The following NCKAP5 variants were observed in gnomAD, a reference collection of about 807,000 sequenced individuals.
NCKAP5 encodes the protein nck-associated protein 5.
Under a neutral mutation model 167.0 loss-of-function variants are expected in NCKAP5, and 92 were observed. The ratio of observed to expected loss-of-function variants is 0.55; its 90% CI spans 0.47 to 0.66. The LOEUF is 0.66. NCKAP5 is among the 30% of genes least tolerant of loss of function. The pLI is 0.00. For missense variants in NCKAP5, 2,378 were observed against 2,315.0 expected (o/e 1.03, Z -0.56); for synonymous variants, 891 against 877.4 (o/e 1.02, Z -0.27).
chr2:132,953,336 G>T (rs531621963), intron 8 of NCKAP5, among the ~76,000 whole-genome samples: 1 of 152,174 alleles, frequency 6.6e-6, no homozygotes, highest in Non-Finnish European at 1.5e-5. Context: ...AAGACTCACA[G>T]TTCAAGTGCA....
At chr2:132,827,126 T>C (rs904241065) in intron 11 of NCKAP5, among the ~76,000 whole-genome samples, 2 of 152,144 alleles carry the variant, frequency 1.3e-5, no homozygotes, top group African/African-American at 4.8e-5. Flanking sequence ...GATATAGTCA[T>C]GGAAAAAATT....
At chr2:133,536,753 C>T (rs1685794852) in intron 2 of NCKAP5, among the ~76,000 whole-genome samples, 1 of 151,916 alleles carries the variant, frequency 6.6e-6, no homozygotes, top group African/African-American at 2.4e-5. Context: ...TCTCCTATTT[C>T]ATGGGGCTTT....
At chr2:133,335,461 A>G (rs2150742732) in intron 3 of NCKAP5, among the ~76,000 whole-genome samples, 1 of 152,290 alleles carries the variant, frequency 6.6e-6, no homozygotes, top group Admixed American at 6.5e-5. Flanking sequence ...ATTACCATTC[A>G]TGTACAGAGA....
chr2:133,283,313 G>T (rs1251640122), intron 4 of NCKAP5, among the ~76,000 whole-genome samples: 1 of 152,050 alleles, frequency 6.6e-6, no homozygotes, highest in Admixed American at 6.6e-5. Context: ...GGAAGCTTTT[G>T]TTCCTTTGTT....
At chr2:132,979,548 G>A (rs949138356) in intron 7 of NCKAP5, among the ~76,000 whole-genome samples, 1 of 152,152 alleles carries the variant, frequency 6.6e-6, no homozygotes, top group Admixed American at 6.5e-5. Flanking sequence ...GAGAGGTTAA[G>A]TAATTCCCCA....
At chr2:133,483,695 CA>C (rs932177492) in intron 3 of NCKAP5, among the ~76,000 whole-genome samples, 1 of 151,646 alleles carries the variant, frequency 6.6e-6, no homozygotes, top group African/African-American at 2.4e-5. Flanking sequence ...ACAATGGGTT[CA>C]AAAATAGAAC....
intron 9 of NCKAP5, among the ~76,000 whole-genome samples, chr2:132,869,674 A>G (rs1008927829): frequency 8.5e-5 from 13 of 152,332 alleles, no homozygotes; most frequent in African/African-American, 3.1e-4. Context: ...CCAATAAGAC[A>G]TAAGCAGACT....
chr2:132,882,997 G>A (rs889168120), intron 8 of NCKAP5, among the ~76,000 whole-genome samples: 4 of 151,906 alleles, frequency 2.6e-5, no homozygotes, highest in Middle Eastern at 3.4e-3. Context: ...GTTTGAGACC[G>A]GCCTGGGCGA....
At chr2:133,130,460 A>G (rs2082561456) in intron 5 of NCKAP5, among the ~76,000 whole-genome samples, 1 of 152,248 alleles carries the variant, frequency 6.6e-6, no homozygotes, top group African/African-American at 2.4e-5. Flanking sequence ...AATAATTAGT[A>G]AGATTATTAC....
chr2:133,168,076 G>A (rs552696185), intron 5 of NCKAP5, among the ~76,000 whole-genome samples: 8 of 152,188 alleles, frequency 5.3e-5, no homozygotes, highest in African/African-American at 1.7e-4. Context: ...AGAACAAGCT[G>A]AAATTATTAT....
chr2:133,007,521 C>T (rs1037797725), intron 6 of NCKAP5, among the ~76,000 whole-genome samples: 4 of 152,080 alleles, frequency 2.6e-5, no homozygotes, highest in Admixed American at 1.3e-4. Context: ...TTGGGATAGG[C>T]TAGGTTATGC....
At chr2:133,307,412 C>T (rs892494352) in intron 3 of NCKAP5, among the ~76,000 whole-genome samples, 2 of 151,792 alleles carry the variant, frequency 1.3e-5, no homozygotes, top group East Asian at 1.9e-4. Flanking sequence ...AAAATAAGGA[C>T]GTGATTATGT....
At chr2:132,789,575 G>A (rs1050219751) in intron 13 of NCKAP5, among the ~76,000 whole-genome samples, 7 of 152,122 alleles carry the variant, frequency 4.6e-5, no homozygotes, top group African/African-American at 1.4e-4. Flanking sequence ...TTCTATTCTT[G>A]TGTGCTCTTT....
chr2:133,435,218 T>G (rs1244582185), intron 3 of NCKAP5, among the ~76,000 whole-genome samples: 1 of 152,168 alleles, frequency 6.6e-6, no homozygotes, highest in Non-Finnish European at 1.5e-5. Flanking sequence ...GATTCACTCA[T>G]GTAATGCTCA....
At chr2:133,341,655 C>T (rs577060256) in intron 3 of NCKAP5, among the ~76,000 whole-genome samples, 3 of 152,108 alleles carry the variant, frequency 2.0e-5, no homozygotes, top group African/African-American at 7.2e-5. Context: ...AATGTCCTCC[C>T]AAATTTGCCA....
intron 6 of NCKAP5, among the ~76,000 whole-genome samples, chr2:133,120,949 T>C (rs1027455522): frequency 6.6e-6 from 1 of 152,080 alleles, no homozygotes; most frequent in African/African-American, 2.4e-5. Flanking sequence ...CATTCATTCT[T>C]CAATCAACAA....
intron 19 of NCKAP5, among the ~76,000 whole-genome samples, chr2:132,689,302 C>A (rs1686415918): frequency 6.6e-6 from 1 of 152,174 alleles, no homozygotes; most frequent in Admixed American, 6.5e-5. Context: ...TGTGTTACCA[C>A]ATGTACTCAC....
chr2:133,557,648 A>G (rs909048477), intron 2 of NCKAP5, among the ~76,000 whole-genome samples: 2 of 152,244 alleles, frequency 1.3e-5, no homozygotes, highest in Non-Finnish European at 2.9e-5. Context: ...CTATTTAATC[A>G]AAGGAGAAAG....
intron 4 of NCKAP5, among the ~76,000 whole-genome samples, chr2:133,263,673 G>A (rs562206489): frequency 6.8e-6 from 1 of 146,814 alleles, no homozygotes; most frequent in East Asian, 2.0e-4. Flanking sequence ...TGGAGAAAAG[G>A]AATCTACACA....
Sources: allele counts gnomAD v4.1 joint callset (sites outside exome capture counted in the v4.1 genomes callset), GRCh38; gene constraint gnomAD v4.1.1; transcripts MANE v1.5; gene names NCBI Gene and HGNC (gene_info 2026-07-23, HGNC 2026-07-21).